Variants in NAALADL2 observed in about 807,000 individuals in gnomAD.
The protein encoded by NAALADL2 is inactive N-acetylated-alpha-linked acidic dipeptidase-like protein 2.
In NAALADL2, 76 loss-of-function variants were observed where a neutral mutation model predicts 87.2. That is an observed-to-expected ratio of 0.87 (90% CI 0.72 to 1.05). The LOEUF is 1.05. Ranked by LOEUF, NAALADL2 falls within the 50% of genes least tolerant of loss-of-function variation. NAALADL2 has a pLI of 0.00. For missense variants in NAALADL2, 1,089 were observed against 945.8 expected (o/e 1.15, Z -1.99); for synonymous variants, 354 against 331.0 (o/e 1.07, Z -0.75).
chr3:175,332,714 G>A (rs1397280068), intron 5 of NAALADL2, among the ~76,000 whole-genome samples: 6 of 152,100 alleles, frequency 3.9e-5, no homozygotes, highest in Non-Finnish European at 7.4e-5. Flanking sequence ...TGTAGCTGTC[G>A]GATGAAATGT....
intron 1 of NAALADL2, among the ~76,000 whole-genome samples, chr3:175,071,311 G>A (rs1049893149): frequency 6.6e-6 from 1 of 152,000 alleles, no homozygotes; most frequent in Admixed American, 6.6e-5. Flanking sequence ...TGCTATTATA[G>A]GTCATGTATT....
rs148292093 is a variant in NAALADL2 at position 174,537,218 on chromosome 3, T to G, written c.-183-13351T>G. Among the ~76,000 whole-genome samples, 722 of 152,238 alleles carry G rather than the reference T, an allele frequency of 4.7e-3. 6 individuals carry two copies. Among genetic ancestry groups the G allele is most frequent in the African/African-American group, 0.016 (658 of 41,552 alleles). ...TGTTTGAATCCTAAATTAATATGGA[T>G]TTGGAAAAAAGACAACTAATTAGAA... On this transcript the variant is annotated intron_variant, in intron 1 of 3. Transcript: ENST00000434257.
intron 1 of NAALADL2, among the ~76,000 whole-genome samples, chr3:174,489,509 ATGTTT>A (rs1213919218): frequency 6.6e-6 from 1 of 152,064 alleles, no homozygotes; most frequent in African/African-American, 2.4e-5. Flanking sequence ...CAAAATAAAC[ATGTTT>A]TGTTTTGCAA....
intron 9 of NAALADL2, among the ~76,000 whole-genome samples, chr3:175,525,279 T>G (rs964258453): frequency 2.6e-5 from 4 of 152,150 alleles, no homozygotes; most frequent in African/African-American, 9.7e-5. Flanking sequence ...TCCAGATCAT[T>G]TTAATAAAGG....
intron 5 of NAALADL2, among the ~76,000 whole-genome samples, chr3:175,374,684 G>A (rs1212034128): frequency 6.6e-6 from 1 of 150,854 alleles, no homozygotes; most frequent in East Asian, 2.0e-4. Context: ...ACCAGCCTGG[G>A]CAACATGGAG....
At chr3:174,725,181 T>G (rs1248884899) in intron 2 of NAALADL2, among the ~76,000 whole-genome samples, 3 of 152,242 alleles carry the variant, frequency 2.0e-5, no homozygotes, top group Non-Finnish European at 4.4e-5. Flanking sequence ...AGTGGAAAGC[T>G]TCTTCTCTAC....
chr3:174,810,757 A>G (rs896240878), intron 3 of NAALADL2, among the ~76,000 whole-genome samples: 2 of 152,202 alleles, frequency 1.3e-5, no homozygotes, highest in African/African-American at 2.4e-5. Flanking sequence ...AGAAATTTCT[A>G]TTACTAAAAG....
intron 11 of NAALADL2, among the ~76,000 whole-genome samples, chr3:175,699,102 A>G: frequency 6.6e-6 from 1 of 151,858 alleles, no homozygotes; most frequent in East Asian, 1.9e-4. Context: ...ATTTCTAACT[A>G]TGTGATTAAA....
intron 3 of NAALADL2, among the ~76,000 whole-genome samples, chr3:174,853,376 C>CAAAAA (rs55826352): frequency 1.2e-4 from 10 of 82,496 alleles, no homozygotes; most frequent in African/African-American, 2.8e-4. Flanking sequence ...GACTCAATCT[C>CAAAAA]AAAAAAAAAA....
chr3:175,668,513 C>T (rs1218905050), intron 11 of NAALADL2, among the ~76,000 whole-genome samples: 3 of 151,914 alleles, frequency 2.0e-5, no homozygotes, highest in Admixed American at 1.3e-4. Context: ...GTGTAGGTGA[C>T]CACAGAATGA....
At chr3:174,763,945 C>G (rs1306819476) in intron 3 of NAALADL2, among the ~76,000 whole-genome samples, 1 of 152,038 alleles carries the variant, frequency 6.6e-6, no homozygotes, top group Non-Finnish European at 1.5e-5. Flanking sequence ...TCTTCCTCTT[C>G]CTATTTTAAA....
At position 174,609,200 on chromosome 3, in the gene NAALADL2, C is replaced by T. The variant is rs1719490509; in HGVS notation, c.-115+58563C>T. 4.6e-5 allele frequency among the ~76,000 whole-genome samples: 7 copies of T among 152,256 alleles called. No homozygotes were observed. In the South Asian group the frequency reaches 1.4e-3, roughly 32 times the overall value. ...GAGCTATCTATGACAACCCCACAGC[C>T]AATATCATATTGAATGGGCAAAAAC... On this transcript the variant is annotated intron_variant, in intron 2 of 3. Transcript: ENST00000434257.
chr3:174,528,880 C>T (rs1032652797), intron 1 of NAALADL2, among the ~76,000 whole-genome samples: 1 of 152,056 alleles, frequency 6.6e-6, no homozygotes, highest in Admixed American at 6.6e-5. Flanking sequence ...CGCACTGGGT[C>T]CCTCCCACAA....
chr3:175,190,373 C>T (rs993104223), intron 2 of NAALADL2, among the ~76,000 whole-genome samples: 1 of 151,506 alleles, frequency 6.6e-6, no homozygotes, highest in Non-Finnish European at 1.5e-5. Flanking sequence ...AAAAAATAAC[C>T]CAATAAAAAA....
chr3:174,845,806 A>G (rs917874071), intron 3 of NAALADL2, among the ~76,000 whole-genome samples: 1 of 152,086 alleles, frequency 6.6e-6, no homozygotes, highest in Non-Finnish European at 1.5e-5. Context: ...ATTCCTTCCT[A>G]GGTTGCAGAA....
chr3:174,938,877 TC>T (rs1417935067), intron 1 of NAALADL2, among the ~76,000 whole-genome samples: 1 of 152,148 alleles, frequency 6.6e-6, no homozygotes, highest in Non-Finnish European at 1.5e-5. Context: ...TGTTTGTTTT[TC>T]TCTTGTAAAT....
At chr3:175,281,462 C>T (rs577412844) in intron 4 of NAALADL2, among the ~76,000 whole-genome samples, 5 of 151,862 alleles carry the variant, frequency 3.3e-5, no homozygotes, top group Admixed American at 2.6e-4. Flanking sequence ...ATGTTTATCA[C>T]TTTATCCAAA....
At chr3:175,118,401 A>C (rs535389137) in intron 2 of NAALADL2, among the ~76,000 whole-genome samples, 1 of 151,780 alleles carries the variant, frequency 6.6e-6, no homozygotes, top group African/African-American at 2.4e-5. Flanking sequence ...TTGGATCATT[A>C]AAAAAATAAT....
At chr3:175,656,890 G>C (rs1483536754) in intron 11 of NAALADL2, among the ~76,000 whole-genome samples, 1 of 152,052 alleles carries the variant, frequency 6.6e-6, no homozygotes, top group Non-Finnish European at 1.5e-5. Context: ...TTAATGCCTT[G>C]AATGAATACA....
Sources: gnomAD v4.1 joint callset for allele counts (sites outside exome capture counted in the v4.1 genomes callset) on GRCh38, gnomAD v4.1.1 for gene constraint, MANE v1.5 for transcripts, NCBI Gene and HGNC (gene_info 2026-07-23, HGNC 2026-07-21) for gene names.